The following AFAP1L2 variants were observed in gnomAD, a reference collection of about 807,000 sequenced individuals.
AFAP1L2 encodes the protein actin filament associated protein 1 like 2, also known as actin filament-associated protein 1-like 2.
AFAP1L2 carries 46 observed loss-of-function variants against 99.3 expected under a neutral mutation model. The ratio of observed to expected loss-of-function variants is 0.46; its 90% CI spans 0.37 to 0.59. AFAP1L2 has a LOEUF of 0.59. Ranked by LOEUF, AFAP1L2 falls within the 20% of genes least tolerant of loss-of-function variation. The pLI is 0.00. For synonymous variants in AFAP1L2, 397 were observed against 419.1 expected (o/e 0.95, Z 0.64); for missense variants, 959 against 1,034.9 (o/e 0.93, Z 1.01).
the AFAP1L2 span, among the ~76,000 whole-genome samples, chr10:114,287,741 G>A: frequency 1.3e-5 from 2 of 152,184 alleles, no homozygotes; most frequent in South Asian, 4.1e-4. Context: ...ATTGACAATA[G>A]TGGAGAGTTC....
intron 1 of AFAP1L2, among the ~76,000 whole-genome samples, chr10:114,402,976 G>T (rs1245720736): frequency 2.0e-5 from 3 of 152,224 alleles, no homozygotes; most frequent in Non-Finnish European, 2.9e-5. Context: ...GGGCGGAGGG[G>T]CCCCAGTAGG....
the AFAP1L2 span, among the ~76,000 whole-genome samples, chr10:114,284,110 G>T: frequency 1.3e-5 from 2 of 152,202 alleles, no homozygotes; most frequent in Non-Finnish European, 2.9e-5. Context: ...AGATGCTCAG[G>T]CATGGACCAC....
chr10:114,332,156 G>A (rs908571446), intron 3 of AFAP1L2, among the ~76,000 whole-genome samples: 1 of 152,168 alleles, frequency 6.6e-6, no homozygotes, highest in South Asian at 2.1e-4. Flanking sequence ...AAAAAAAATG[G>A]TCTAGCCACA....
At chr10:114,369,475 G>C (rs1476110993) in intron 1 of AFAP1L2, among the ~76,000 whole-genome samples, 1 of 151,632 alleles carries the variant, frequency 6.6e-6, no homozygotes, top group Non-Finnish European at 1.5e-5. Flanking sequence ...GGCGCCTGTA[G>C]TCCCAGCTAC....
rs117368309 is a variant in AFAP1L2, at chr10:114,317,369, C to G, written c.407-1604G>C. Among the ~76,000 whole-genome samples the G allele has an allele frequency of 3.5e-3, 533 of 152,102 alleles. 5 individuals are homozygous for G. The highest frequency in any genetic ancestry group is 3.4e-3 in the Non-Finnish European group (229 of 68,016). Reference sequence around the variant, plus strand: ...TAATATAAAAGTGTATAATTTATACCTATTAAATAAGACTGAAAATAGCAG... The same window carrying G: ...TAATATAAAAGTGTATAATTTATACGTATTAAATAAGACTGAAAATAGCAG... On this transcript the variant is annotated intron_variant, in intron 5 of 18. Coordinates refer to ENST00000304129, the MANE Select transcript of AFAP1L2 (RefSeq NM_001001936.3).
chr10:114,382,747 C>T (rs1314318283), intron 1 of AFAP1L2, among the ~76,000 whole-genome samples: 1 of 151,998 alleles, frequency 6.6e-6, no homozygotes, highest in African/African-American at 2.4e-5. Context: ...AGGCATGTGC[C>T]ACCACACCTG....
At chr10:114,354,415 C>T (rs2050998683) in intron 1 of AFAP1L2, among the ~76,000 whole-genome samples, 1 of 152,134 alleles carries the variant, frequency 6.6e-6, no homozygotes, top group Admixed American at 6.5e-5. Context: ...TCCTCTTAAG[C>T]CTTGAAGAAG....
At chr10:114,370,253 C>T (rs2053913405) in intron 1 of AFAP1L2, among the ~76,000 whole-genome samples, 1 of 152,204 alleles carries the variant, frequency 6.6e-6, no homozygotes, top group South Asian at 2.1e-4. Flanking sequence ...ATCACACACA[C>T]CAGAGGCTGC....
At chr10:114,311,059 C>G (rs1004882332) in intron 7 of AFAP1L2, among the ~76,000 whole-genome samples, 2 of 148,066 alleles carry the variant, frequency 1.4e-5, no homozygotes, top group Non-Finnish European at 3.0e-5. Context: ...AAGGCTGTGC[C>G]TTCTGAAAGC....
chr10:114,308,258 C>A (rs1223112880), intron 9 of AFAP1L2, among the ~76,000 whole-genome samples, 175 bp downstream of exon 9: 1 of 152,178 alleles, frequency 6.6e-6, no homozygotes, highest in Non-Finnish European at 1.5e-5. Context: ...TTTCATGAAG[C>A]TTAACTTCAA....
intron 3 of AFAP1L2, 46 bp downstream of exon 3, chr10:114,333,175 C>T: frequency 6.4e-7 from 1 of 1,550,428 alleles, no homozygotes; most frequent in South Asian, 1.1e-5. Context: ...CTTCCCCCAT[C>T]CCAGGAGTGG....
intron 6 of AFAP1L2, among the ~76,000 whole-genome samples, chr10:114,314,253 C>T (rs2043762686): frequency 6.6e-6 from 1 of 152,112 alleles, no homozygotes; most frequent in Admixed American, 6.5e-5. Context: ...TCAGATTGTC[C>T]CTCTCTCCCT....
At chr10:114,381,611 G>T (rs1261466197) in intron 1 of AFAP1L2, among the ~76,000 whole-genome samples, 1 of 152,050 alleles carries the variant, frequency 6.6e-6, no homozygotes, top group Non-Finnish European at 1.5e-5. Flanking sequence ...ATTTTTTAAA[G>T]TATAATTCTA....
chr10:114,400,927 G>T (rs1405195324), intron 1 of AFAP1L2, among the ~76,000 whole-genome samples: 1 of 152,108 alleles, frequency 6.6e-6, no homozygotes, highest in Non-Finnish European at 1.5e-5. Context: ...ACCTGAGTTC[G>T]TAGGCATTGA....
At chr10:114,315,808 G>C in intron 5 of AFAP1L2, 43 bp from the exon 6 acceptor site, 1 of 1,567,320 alleles carries the variant, frequency 6.4e-7, no homozygotes, top group Non-Finnish European at 8.7e-7. Flanking sequence ...TGGGGCAGGG[G>C]ACAGTCCTGA....
Position 114,323,270 on chromosome 10 carries a change from T to C in AFAP1L2, c.316-9A>G, listed in dbSNP as rs772751134. On this transcript the variant is annotated splice_polypyrimidine_tract_variant and intron_variant, in intron 4 of 18. Transcript: ENST00000304129. ...TGTTTCCGTTCTGGAATCTGTGGTA[T>C]GAACAAATAAGACAAACGTTTGCAG... is the stretch of plus-strand genomic sequence containing the variant. 1 of 1,584,854 alleles carries C rather than the reference T, an allele frequency of 6.3e-7. No individual in the cohort carries two copies. The highest frequency in any genetic ancestry group is 8.6e-7 in the Non-Finnish European group (1 of 1,163,644).
intron 3 of AFAP1L2, 25 bp downstream of exon 3, chr10:114,333,196 A>G (rs1175266314): frequency 6.2e-7 from 1 of 1,603,666 alleles, no homozygotes; most frequent in East Asian, 2.2e-5. Context: ...CCATCATACC[A>G]GCGTCAGTGA....
chr10:114,392,871 T>C (rs2057303250), intron 1 of AFAP1L2, among the ~76,000 whole-genome samples: 1 of 152,180 alleles, frequency 6.6e-6, no homozygotes, highest in Admixed American at 6.5e-5. Context: ...ACTCTCACTT[T>C]CTCTCTTCCA....
chr10:114,397,222 T>C (rs1042051790), intron 1 of AFAP1L2, among the ~76,000 whole-genome samples: 1 of 152,192 alleles, frequency 6.6e-6, no homozygotes, highest in African/African-American at 2.4e-5. Flanking sequence ...ATCTCTATCA[T>C]TCCAAAAATT....
Sources: allele counts gnomAD v4.1 joint callset (sites outside exome capture counted in the v4.1 genomes callset), GRCh38; gene constraint gnomAD v4.1.1; transcripts MANE v1.5; gene names NCBI Gene and HGNC (gene_info 2026-07-23, HGNC 2026-07-21).